GFOD1: variants seen among roughly 807,000 people sequenced by gnomAD.
GFOD1 encodes Gfo/Idh/MocA-like oxidoreductase domain containing 1.
In GFOD1, 9 loss-of-function variants were observed where a neutral mutation model predicts 25.4. The ratio of observed to expected loss-of-function variants is 0.35; its 90% CI spans 0.21 to 0.62. The LOEUF (loss-of-function observed/expected upper bound fraction) is 0.62, where lower values mean the gene tolerates loss of function less well. Ranked by LOEUF, GFOD1 falls within the 20% of genes least tolerant of loss-of-function variation. The probability of loss-of-function intolerance (pLI) is 0.72; values close to 1 mark genes in which losing one functional copy is unlikely to be tolerated. For missense variants in GFOD1, 403 were observed against 556.9 expected, an observed-to-expected ratio of 0.72 and a Z score of 2.78; for synonymous variants, 253 against 245.6, an observed-to-expected ratio of 1.03 and a Z score of -0.28.
At chr6:13,477,265 T>C (rs543377026) in intron 1 of GFOD1, among the ~76,000 whole-genome samples, 47 of 124,004 alleles carry the variant, frequency 3.8e-4, no homozygotes, top group African/African-American at 1.2e-3. Flanking sequence ...AGATGAGAGA[T>C]TCGTTTTAAG....
chr6:13,452,528 C>T (rs13198039), intron 1 of GFOD1, among the ~76,000 whole-genome samples: 315 of 152,304 alleles, frequency 2.1e-3, no homozygotes, highest in Non-Finnish European at 3.4e-3. Flanking sequence ...GGTGAGGGCT[C>T]GCTCCCTTCC....
intron 1 of GFOD1, among the ~76,000 whole-genome samples, chr6:13,366,402 C>T (rs1267334605): frequency 6.6e-6 from 1 of 152,168 alleles, no homozygotes; most frequent in African/African-American, 2.4e-5. Flanking sequence ...ATGGCACCAT[C>T]TCGGCTCACT....
intron 1 of GFOD1, among the ~76,000 whole-genome samples, chr6:13,385,743 A>G (rs1785460530): frequency 1.3e-5 from 2 of 152,232 alleles, no homozygotes; most frequent in South Asian, 4.1e-4. Context: ...TAGGTAAAAT[A>G]CAGTGACTAA....
chr6:13,405,340 A>C (rs1785924748), intron 1 of GFOD1, among the ~76,000 whole-genome samples: 1 of 152,260 alleles, frequency 6.6e-6, no homozygotes, highest in South Asian at 2.1e-4. Context: ...AGGGGAAAAA[A>C]CAGGTGGAAT....
At chr6:13,414,147 C>T (rs1247820739) in intron 1 of GFOD1, among the ~76,000 whole-genome samples, 1 of 152,244 alleles carries the variant, frequency 6.6e-6, no homozygotes, top group African/African-American at 2.4e-5. Context: ...GCCAGGCTAA[C>T]TGGCATTAAA....
At chr6:13,378,848 A>G (rs1197804137) in intron 1 of GFOD1, among the ~76,000 whole-genome samples, 2 of 152,158 alleles carry the variant, frequency 1.3e-5, no homozygotes, top group Non-Finnish European at 2.9e-5. Flanking sequence ...CCTGCCCAAG[A>G]AAGGAAAGCA....
intron 1 of GFOD1, among the ~76,000 whole-genome samples, chr6:13,441,480 G>C (rs1241715276): frequency 6.6e-6 from 1 of 152,176 alleles, no homozygotes; most frequent in African/African-American, 2.4e-5. Flanking sequence ...GATTTCATAC[G>C]TTGTGTTAAA....
chr6:13,436,490 G>A (rs1252620647), intron 1 of GFOD1, among the ~76,000 whole-genome samples: 1 of 152,136 alleles, frequency 6.6e-6, no homozygotes, highest in African/African-American at 2.4e-5. Flanking sequence ...GTATCTTAGA[G>A]ATCTTTCCAT....
chr6:13,380,634 G>A (rs1400951738), intron 1 of GFOD1, among the ~76,000 whole-genome samples: 4 of 152,048 alleles, frequency 2.6e-5, no homozygotes, highest in Non-Finnish European at 5.9e-5. Flanking sequence ...GGAGGGTAGA[G>A]GTTGCCTGAG....
chr6:13,395,226 C>A (rs913180246), intron 1 of GFOD1, among the ~76,000 whole-genome samples: 2 of 152,084 alleles, frequency 1.3e-5, no homozygotes, highest in African/African-American at 4.8e-5. Flanking sequence ...AAAAATTGCC[C>A]TCACAATGTC....
intron 1 of GFOD1, among the ~76,000 whole-genome samples, chr6:13,419,473 CT>C (rs1282734025): frequency 1.3e-5 from 2 of 152,158 alleles, no homozygotes; most frequent in Admixed American, 6.5e-5. Context: ...GCAGTAGCTG[CT>C]GGTCTCCTTG....
chr6:13,479,004 G>A (rs543716388), intron 1 of GFOD1, among the ~76,000 whole-genome samples: 4 of 150,860 alleles, frequency 2.7e-5, no homozygotes, highest in South Asian at 4.2e-4. Context: ...TGTGAAGCAC[G>A]TACTGGATTC....
chr6:13,386,426 G>A (rs541461926), intron 1 of GFOD1, among the ~76,000 whole-genome samples: 7 of 152,290 alleles, frequency 4.6e-5, no homozygotes, highest in South Asian at 4.1e-4. Context: ...GGAATCTCGC[G>A]TACTTCGGAG....
Position 13,364,760 on chromosome 6 carries a change from T to C in GFOD1, c.1156A>G (p.Met386Val), listed in dbSNP as rs781555088. 6 of 1,612,660 alleles carry C rather than the reference T, an allele frequency of 3.7e-6. No individual in the cohort carries two copies. In the South Asian group the frequency reaches 5.5e-5, roughly 15 times the overall value. ...LISEAMRRSR[M>V]SLYC is the part of the protein sequence containing the mutation. ...AATCTGTGCTAACAGTAGAGGGACA[T>C]CCTGCTGCGGCGCATGGCCTCGCTG... The change falls in exon 2 of 2, where the codon ATG (methionine) becomes GTG (valine). Residue 386 changes from methionine to valine, a missense_variant. Coordinates refer to ENST00000379287, the MANE Select transcript of GFOD1 (RefSeq NM_018988.4). The surrounding 1 kb of genome is among the most constrained non-coding windows in gnomAD (Gnocchi z 4.1).
Position 13,487,022 on chromosome 6 carries a change from CG to C in GFOD1, c.-133del. ...CCGCGGTGCGCCAGCCGCCGTGCAC[CG>C]GGCAAGGCGCCCGGGTGCCCAGAGC... On this transcript the variant is annotated 5_prime_UTR_variant, in exon 1 of 2. Transcript: ENST00000379287. This position sits in a 1 kb window ranked among gnomAD's most constrained non-coding sequence, Gnocchi z 4.9. 8.7e-7 allele frequency: 1 copy of C among 1,143,520 alleles called. No homozygotes were observed. Among genetic ancestry groups the C allele is most frequent in the Non-Finnish European group, 1.2e-6 (1 of 827,014 alleles). 70.8% of individuals were successfully genotyped at this position (1,143,520 alleles called of 1,614,324 possible).
At chr6:13,457,364 C>G (rs570084252) in intron 1 of GFOD1, among the ~76,000 whole-genome samples, 2 of 152,320 alleles carry the variant, frequency 1.3e-5, no homozygotes, top group South Asian at 4.1e-4. Flanking sequence ...AGAAATCAGC[C>G]TGCCATAAGC....
Position 13,412,310 on chromosome 6 carries a change from G to A in GFOD1, c.254-46648C>T, listed in dbSNP as rs575756244. ...TGTCCTTAGGAGAAGAGGAGATGAC[G>A]CAGACACAACAGAGGGAAGACCCTG... On this transcript the variant is annotated intron_variant, in intron 1 of 1. Transcript: ENST00000379287. Among the ~76,000 whole-genome samples, 9 of 152,268 alleles carry A rather than the reference G, an allele frequency of 5.9e-5. 1 individual carries two copies. The highest frequency in any genetic ancestry group is 6.8e-3 in the Middle Eastern group (2 of 294).
At chr6:13,442,198 G>T (rs893308279) in intron 1 of GFOD1, among the ~76,000 whole-genome samples, 5 of 152,224 alleles carry the variant, frequency 3.3e-5, no homozygotes, top group South Asian at 2.1e-4. Flanking sequence ...TACTGCTTAT[G>T]TTAATTAGCT....
In GFOD1 at chr6:13,365,887, T is replaced by C. The variant is rs1785035905; in HGVS notation, c.254-225A>G. ...CAGAGAGATCCTGTCTCAATAATAA[T>C]AATAATAATAATAATAATAATAATA... On this transcript the variant is annotated intron_variant, in intron 1 of 1. Coordinates refer to ENST00000379287, the MANE Select transcript of GFOD1 (RefSeq NM_018988.4). This position sits in a 1 kb window ranked among gnomAD's most constrained non-coding sequence, Gnocchi z 9.2. Among the ~76,000 whole-genome samples the C allele has an allele frequency of 7.1e-6, 1 of 141,720 alleles. No individual in the cohort carries two copies. Among genetic ancestry groups the C allele is most frequent in the African/African-American group, 2.6e-5 (1 of 38,702 alleles). The allele number at this position is 141,720 out of a possible 152,430, so 93.0% of individuals were successfully genotyped here.
Sources: allele counts gnomAD v4.1 joint callset (sites outside exome capture counted in the v4.1 genomes callset), GRCh38; gene constraint gnomAD v4.1.1; non-coding constraint Gnocchi (gnomAD v3.1); transcripts MANE v1.5; gene names NCBI Gene and HGNC (gene_info 2026-07-23, HGNC 2026-07-21).